The following ATXN2 variants were observed in gnomAD, a reference collection of about 807,000 sequenced individuals.
ATXN2 encodes ataxin-2.
Under a neutral mutation model 138.6 loss-of-function variants are expected in ATXN2, and 37 were observed. The observed-to-expected ratio is 0.27, with a 90% CI of 0.21 to 0.35. The LOEUF (loss-of-function observed/expected upper bound fraction) is 0.35. ATXN2 is among the 10% of genes least tolerant of loss of function. The probability of loss-of-function intolerance (pLI) is 1.00; values close to 1 mark genes in which losing one functional copy is unlikely to be tolerated. For missense variants in ATXN2, 1,216 were observed against 1,480.3 expected (o/e 0.82, Z 2.93); for synonymous variants, 549 against 543.7 (o/e 1.01, Z -0.13).
At chr12:111,468,203 C>T (rs190753144) in intron 20 of ATXN2, among the ~76,000 whole-genome samples, 2 of 152,344 alleles carry the variant, frequency 1.3e-5, no homozygotes, top group East Asian at 1.9e-4. Context: ...ATAAATCAAT[C>T]GTGCCTTTGC....
At chr12:111,570,196 G>A (rs1008917477) in intron 1 of ATXN2, among the ~76,000 whole-genome samples, 1 of 151,968 alleles carries the variant, frequency 6.6e-6, no homozygotes, top group Admixed American at 6.6e-5. Context: ...AATGCTTCCT[G>A]ACAGGAAACT....
intron 22 of ATXN2, 78 bp downstream of exon 22, chr12:111,457,136 G>A (rs972287605): frequency 1.9e-5 from 28 of 1,507,438 alleles, no homozygotes; most frequent in African/African-American, 8.3e-5. Context: ...CTGACGATGC[G>A]ATACCTGGCA....
At position 111,557,048 on chromosome 12, in the gene ATXN2, A is replaced by C. The variant is rs11065950; in HGVS notation, c.252-1129T>G. ...ATTCTATTTTCAAGTGAATTATAGAATATAATACAACCTAAAGCTTATTCC... is the reference window on the plus strand; with the variant it reads ...ATTCTATTTTCAAGTGAATTATAGACTATAATACAACCTAAAGCTTATTCC... On this transcript the variant is annotated intron_variant, in intron 1 of 24. Transcript: ENST00000673436. Among the ~76,000 whole-genome samples, 4,823 of 152,306 alleles carry C rather than the reference A, an allele frequency of 0.032. 871 individuals are homozygous for C. The East Asian group carries it at 0.54, about 17-fold the overall frequency.
intron 1 of ATXN2, among the ~76,000 whole-genome samples, chr12:111,570,776 A>G (rs1883273999): frequency 6.6e-6 from 1 of 152,096 alleles, no homozygotes; most frequent in South Asian, 2.1e-4. Context: ...TCTCTACTAC[A>G]CTGGGTAACC....
chr12:111,523,031 A>G (rs1328910880), intron 6 of ATXN2, among the ~76,000 whole-genome samples: 2 of 152,122 alleles, frequency 1.3e-5, no homozygotes, highest in African/African-American at 4.8e-5. Flanking sequence ...CAGTAATCGC[A>G]GCACTTTGGG....
chr12:111,534,207 C>T (rs1448949695), intron 5 of ATXN2, among the ~76,000 whole-genome samples: 2 of 151,992 alleles, frequency 1.3e-5, no homozygotes, highest in Non-Finnish European at 2.9e-5. Context: ...CGAAACCAAC[C>T]TGGGCAACAC....
intron 1 of ATXN2, among the ~76,000 whole-genome samples, chr12:111,562,740 A>G (rs952236785): frequency 2.0e-5 from 3 of 151,694 alleles, no homozygotes; most frequent in African/African-American, 7.3e-5. Context: ...AAAAAAAAAA[A>G]AAAAATGTAG....
intron 14 of ATXN2, among the ~76,000 whole-genome samples, chr12:111,508,441 CTTTTTTTTTTT>C (rs66643315): frequency 1.2e-5 from 1 of 85,656 alleles, no homozygotes; most frequent in Non-Finnish European, 2.1e-5. Context: ...AATTGAAAAA[CTTTTTTTTTTT>C]TTTTTTTTTT....
chr12:111,494,042 T>C (rs1878240008), intron 14 of ATXN2, among the ~76,000 whole-genome samples: 1 of 152,158 alleles, frequency 6.6e-6, no homozygotes, highest in East Asian at 1.9e-4. Context: ...GTGATTCTCC[T>C]GCCTCAGCCT....
intron 1 of ATXN2, among the ~76,000 whole-genome samples, chr12:111,575,056 G>C (rs181824407): frequency 3.3e-5 from 5 of 152,146 alleles, no homozygotes; most frequent in African/African-American, 1.2e-4. Context: ...TCACGGTAGC[G>C]TCCGGTTCAC....
chr12:111,462,628 T>C (rs1875663594), intron 21 of ATXN2, among the ~76,000 whole-genome samples: 1 of 152,194 alleles, frequency 6.6e-6, no homozygotes, highest in African/African-American at 2.4e-5. Flanking sequence ...AGCCCAACTG[T>C]TAGTTTCTTT....
chr12:111,491,911 C>T (rs1407653040), intron 14 of ATXN2, among the ~76,000 whole-genome samples: 3 of 152,058 alleles, frequency 2.0e-5, no homozygotes, highest in African/African-American at 7.2e-5. Flanking sequence ...CTAAAGCTCC[C>T]GATCCCAGGC....
chr12:111,549,256 G>C (rs1037538270), intron 5 of ATXN2, among the ~76,000 whole-genome samples: 1 of 151,872 alleles, frequency 6.6e-6, no homozygotes, highest in Non-Finnish European at 1.5e-5. Context: ...ATCTGAGTAA[G>C]TCTCTAATAA....
At chr12:111,536,372 GA>G (rs905210496) in intron 5 of ATXN2, among the ~76,000 whole-genome samples, 1 of 149,454 alleles carries the variant, frequency 6.7e-6, no homozygotes, top group Non-Finnish European at 1.5e-5. Flanking sequence ...GTTGTAAACA[GA>G]AAAAAAAAAT....
intron 5 of ATXN2, among the ~76,000 whole-genome samples, chr12:111,527,526 C>G (rs1379656259): frequency 6.6e-6 from 1 of 152,210 alleles, no homozygotes; most frequent in African/African-American, 2.4e-5. Context: ...CTTCTTATCC[C>G]AAACTAGGTG....
chr12:111,571,101 A>C (rs896704591), intron 1 of ATXN2, among the ~76,000 whole-genome samples: 2 of 152,246 alleles, frequency 1.3e-5, no homozygotes, highest in African/African-American at 2.4e-5. Flanking sequence ...GAAGAAACTT[A>C]AGCATAAGTG....
At position 111,499,177 on chromosome 12, in the gene ATXN2, C is replaced by A. The variant is rs192097089; in HGVS notation, c.1935+10372G>T. ...GTAATACCCCAAAAGTACAGGCAAC[C>A]AAAGCAAAGATGGACAAATGGGATC... On this transcript the variant is annotated intron_variant, in intron 14 of 24. Coordinates refer to ENST00000673436, the MANE Select transcript of ATXN2 (RefSeq NM_001372574.1). Among the ~76,000 whole-genome samples, 108 of 152,188 alleles carry A rather than the reference C, an allele frequency of 7.1e-4. No individual in the cohort carries two copies. In the East Asian group the frequency reaches 8.9e-3, roughly 13 times the overall value.
intron 1 of ATXN2, among the ~76,000 whole-genome samples, chr12:111,583,481 C>T (rs985841255): frequency 1.3e-5 from 2 of 151,942 alleles, no homozygotes; most frequent in African/African-American, 4.8e-5. Flanking sequence ...AAGAGTGAAC[C>T]ATGGCCAGGC....
chr12:111,475,343 T>TAAA (rs1876724333), intron 18 of ATXN2, among the ~76,000 whole-genome samples: 2 of 61,586 alleles, frequency 3.2e-5, no homozygotes, highest in African/African-American at 3.0e-4. Context: ...AGATTCCATC[T>TAAA]CAAAAAAAAA....
Sources: gnomAD v4.1 joint callset for allele counts (sites outside exome capture counted in the v4.1 genomes callset) on GRCh38, gnomAD v4.1.1 for gene constraint, MANE v1.5 for transcripts, NCBI Gene and HGNC (gene_info 2026-07-23, HGNC 2026-07-21) for gene names.